SPINK5: variants seen among roughly 807,000 people sequenced by gnomAD.
The protein encoded by SPINK5 is serine peptidase inhibitor Kazal type 5, also known as serine protease inhibitor Kazal-type 5.
SPINK5 carries 125 observed loss-of-function variants against 151.8 expected under a neutral mutation model. The observed-to-expected ratio is 0.82, with a 90% CI of 0.71 to 0.96. SPINK5 has a LOEUF of 0.96. Among genes scored for constraint, SPINK5 ranks in the 40% least tolerant of loss-of-function variants. The pLI, the probability that SPINK5 is intolerant of heterozygous loss-of-function variation, is 0.00. For missense variants in SPINK5, 1,194 were observed against 1,291.9 expected, an observed-to-expected ratio of 0.92 and a Z score of 1.16; for synonymous variants, 374 against 395.3, an observed-to-expected ratio of 0.95 and a Z score of 0.64.
chr5:148,133,063 A>C (rs1000108907), intron 31 of SPINK5, among the ~76,000 whole-genome samples: 1 of 152,162 alleles, frequency 6.6e-6, no homozygotes, highest in African/African-American at 2.4e-5. Context: ...GATCTTTTTA[A>C]GGGAAATTTA....
chr5:148,115,529 C>T (rs575427525), intron 21 of SPINK5, among the ~76,000 whole-genome samples: 38 of 152,176 alleles, frequency 2.5e-4, no homozygotes, highest in African/African-American at 9.2e-4. Context: ...GAGGCAGCTA[C>T]GCAGAGCAAG....
rs1753588481 is a variant in SPINK5, at chr5:148,099,838, G to A, written c.1092+523G>A. Among the ~76,000 whole-genome samples, 3 of 152,032 alleles carry A rather than the reference G, an allele frequency of 2.0e-5. No homozygotes were observed. The East Asian group carries it at 5.8e-4, about 30-fold the overall frequency. ...CCCAACCAGTCTCCCTAACATAGTT[G>A]GAGTAATGTTTCAAAATGTAAATAA... On this transcript the variant is annotated intron_variant, in intron 12 of 32. Coordinates refer to ENST00000256084, the MANE Select transcript of SPINK5 (RefSeq NM_006846.4).
intron 18 of SPINK5, 71 bp from the exon 19 acceptor site, chr5:148,111,697 A>G (rs2113157439): frequency 6.2e-7 from 1 of 1,608,124 alleles, no homozygotes; most frequent in Admixed American, 1.7e-5. Context: ...TTTTTAAAGC[A>G]GTATTGTGGA....
At chr5:148,135,687 G>A (rs1460765701) in intron 32 of SPINK5, among the ~76,000 whole-genome samples, 1 of 152,086 alleles carries the variant, frequency 6.6e-6, no homozygotes, top group Non-Finnish European at 1.5e-5. Context: ...TCATGGCCTA[G>A]CATTGTTCTG....
chr5:148,078,469 C>T (rs919614257), intron 4 of SPINK5, among the ~76,000 whole-genome samples: 4 of 150,892 alleles, frequency 2.7e-5, no homozygotes, highest in Admixed American at 1.3e-4. Flanking sequence ...AGTGCTTCTC[C>T]GTTGATTGTA....
intron 10 of SPINK5, 33 bp downstream of exon 10, chr5:148,095,938 T>TTG (rs756018174): frequency 1.1e-5 from 17 of 1,523,780 alleles, no homozygotes; most frequent in Non-Finnish European, 1.4e-5. Context: ...TAGTTACAAC[T>TTG]TGTGTGTGTG....
At chr5:148,122,003 T>A (rs1581103855) in intron 26 of SPINK5, among the ~76,000 whole-genome samples, 1 of 84,610 alleles carries the variant, frequency 1.2e-5, no homozygotes, top group Non-Finnish European at 1.9e-5. Context: ...TGTGTGTGAG[T>A]GTGTGTGTGT....
intron 4 of SPINK5, among the ~76,000 whole-genome samples, chr5:148,080,008 C>T (rs562960517): frequency 6.6e-6 from 1 of 150,774 alleles, no homozygotes; most frequent in African/African-American, 2.4e-5. Context: ...ATGAAAAGTT[C>T]TAGGGATCCA....
At chr5:148,106,984 G>A (rs1753798221) in intron 16 of SPINK5, 53 bp from the exon 17 acceptor site, 1 of 1,601,266 alleles carries the variant, frequency 6.2e-7, no homozygotes, top group Non-Finnish European at 8.5e-7. Context: ...AATAGGAAAA[G>A]ATGCAGGAAG....
At chr5:148,136,474 T>A (rs1170723412) in intron 32 of SPINK5, among the ~76,000 whole-genome samples, 1 of 152,108 alleles carries the variant, frequency 6.6e-6, no homozygotes, top group Admixed American at 6.6e-5. Context: ...CTCGCCCCCT[T>A]TAAGATTATT....
chr5:148,134,495 G>GT (rs1032909725), intron 32 of SPINK5, among the ~76,000 whole-genome samples: 1 of 152,086 alleles, frequency 6.6e-6, no homozygotes, highest in African/African-American at 2.4e-5. Flanking sequence ...GCAAATTTCA[G>GT]TTTTTGCTGT....
intron 24 of SPINK5, 25 bp from the exon 25 acceptor site, chr5:148,119,984 C>T (rs780055874): frequency 6.2e-7 from 1 of 1,612,904 alleles, no homozygotes; most frequent in South Asian, 1.1e-5. Flanking sequence ...ACAGCACTTC[C>T]AATATAATCT....
At chr5:148,112,452 A>C (rs764621162) in intron 19 of SPINK5, among the ~76,000 whole-genome samples, 1 of 152,164 alleles carries the variant, frequency 6.6e-6, no homozygotes, top group Non-Finnish European at 1.5e-5. Context: ...AGGCGGGCAG[A>C]TGACGAGGTC....
Position 148,100,431 on chromosome 5 carries a change from A to G in SPINK5, c.1093-23A>G, listed in dbSNP as rs774924802. 23 of 1,606,836 alleles carry G rather than the reference A, an allele frequency of 1.4e-5. 1 individual carries two copies. In the South Asian group the frequency reaches 1.9e-4, roughly 13 times the overall value. On this transcript the variant is annotated intron_variant, in intron 12 of 32. Transcript: ENST00000256084. ...TAAGTAGAAATGAAATATATGGCCA[A>G]CTTACTTCTTCTATCTCGGCAGGAG...
intron 17 of SPINK5, 151 bp from the exon 18 acceptor site, chr5:148,108,602 G>A (rs1753839875): frequency 1.8e-6 from 2 of 1,087,114 alleles, no homozygotes; most frequent in East Asian, 2.7e-5. Context: ...CTGTACTATT[G>A]GTTAAAGCAA....
chr5:148,128,902 T>C (rs537867513), intron 30 of SPINK5, among the ~76,000 whole-genome samples: 1 of 152,110 alleles, frequency 6.6e-6, no homozygotes, highest in East Asian at 1.9e-4. Context: ...TCATAGTATA[T>C]TGGAAAAGCA....
intron 13 of SPINK5, 112 bp from the exon 14 acceptor site, chr5:148,101,243 C>T: frequency 2.5e-6 from 2 of 795,528 alleles, no homozygotes; most frequent in Non-Finnish European, 4.3e-6. Context: ...AGGCACATCA[C>T]ATTCAAAGAA....
intron 10 of SPINK5, among the ~76,000 whole-genome samples, chr5:148,096,215 C>A (rs984912520): frequency 6.6e-6 from 1 of 151,858 alleles, no homozygotes; most frequent in East Asian, 1.9e-4. Flanking sequence ...ATGTAGTCTT[C>A]GATGTGTGGT....
chr5:148,084,974 TTCTCTC>T (rs943793813), intron 4 of SPINK5, among the ~76,000 whole-genome samples: 18 of 151,786 alleles, frequency 1.2e-4, no homozygotes, highest in Non-Finnish European at 1.6e-4. Context: ...TTCCATTTTT[TTCTCTC>T]TCTCTCTTTT....
Sources: gnomAD v4.1 joint callset for allele counts (sites outside exome capture counted in the v4.1 genomes callset) on GRCh38, gnomAD v4.1.1 for gene constraint, MANE v1.5 for transcripts, NCBI Gene and HGNC (gene_info 2026-07-23, HGNC 2026-07-21) for gene names.